Variants in FSTL4 observed in about 807,000 individuals in gnomAD.
FSTL4 encodes follistatin-related protein 4.
A neutral mutation model predicts 78.2 loss-of-function variants in FSTL4; 28 were observed. The ratio of observed to expected loss-of-function variants is 0.36; its 90% CI spans 0.27 to 0.49. The LOEUF is 0.49. FSTL4 is among the 20% of genes least tolerant of loss of function. The pLI, the probability that FSTL4 is intolerant of heterozygous loss-of-function variation, is 0.98. For synonymous variants in FSTL4, 422 were observed against 440.5 expected (o/e 0.96, Z 0.53); for missense variants, 922 against 1,084.9 (o/e 0.85, Z 2.11).
At chr5:133,751,276 G>T in the FSTL4 span, among the ~76,000 whole-genome samples, 4 of 152,208 alleles carry the variant, frequency 2.6e-5, no homozygotes, top group East Asian at 7.7e-4. Context: ...AGTTTGGCAG[G>T]CCTTTCGGGC....
chr5:133,325,821 A>C (rs976066531), intron 4 of FSTL4, among the ~76,000 whole-genome samples: 2 of 152,186 alleles, frequency 1.3e-5, no homozygotes, highest in Admixed American at 1.3e-4. Flanking sequence ...GGGGAGAGAC[A>C]GGACATGCCC....
chr5:133,414,149 T>C (rs1756531876), intron 3 of FSTL4, among the ~76,000 whole-genome samples: 1 of 152,208 alleles, frequency 6.6e-6, no homozygotes, highest in Non-Finnish European at 1.5e-5. Flanking sequence ...CATTCTGGGT[T>C]AAACTAAATT....
chr5:133,728,838 A>G, the FSTL4 span, among the ~76,000 whole-genome samples: 10,098 of 152,092 alleles, frequency 0.066, 456 homozygotes, highest in Non-Finnish European at 0.1. Flanking sequence ...AGGGTGGGGG[A>G]AAAAGAAAAG....
chr5:133,559,940 C>T (rs1759877257), intron 3 of FSTL4, among the ~76,000 whole-genome samples: 1 of 152,176 alleles, frequency 6.6e-6, no homozygotes, highest in Non-Finnish European at 1.5e-5. Context: ...ACCTGGAAGG[C>T]CCTGTATCTG....
chr5:133,775,870 G>A, the FSTL4 span, among the ~76,000 whole-genome samples: 601 of 152,278 alleles, frequency 3.9e-3, no homozygotes, highest in Non-Finnish European at 5.7e-3. Flanking sequence ...AAAGACGATG[G>A]TGAAGGGAAA....
At chr5:133,513,443 A>G (rs867032985) in intron 3 of FSTL4, among the ~76,000 whole-genome samples, 3 of 152,240 alleles carry the variant, frequency 2.0e-5, no homozygotes, top group African/African-American at 7.2e-5. Flanking sequence ...AGACCCCAGC[A>G]GCAGTATACA....
chr5:133,283,001 C>A (rs1293021268), intron 6 of FSTL4, among the ~76,000 whole-genome samples: 2 of 152,158 alleles, frequency 1.3e-5, no homozygotes, highest in African/African-American at 4.8e-5. Flanking sequence ...AGCAGAGGGG[C>A]ATGGAATGTC....
At chr5:133,305,209 C>T (rs993418330) in intron 6 of FSTL4, among the ~76,000 whole-genome samples, 1 of 152,228 alleles carries the variant, frequency 6.6e-6, no homozygotes, top group East Asian at 1.9e-4. Context: ...CAGCGGCTTG[C>T]AGGCTGGCAT....
At chr5:133,520,778 G>A (rs1179899509) in intron 3 of FSTL4, among the ~76,000 whole-genome samples, 1 of 152,118 alleles carries the variant, frequency 6.6e-6, no homozygotes, top group Non-Finnish European at 1.5e-5. Flanking sequence ...ATAGAATGAT[G>A]TAGCATTTGG....
At chr5:133,677,912 C>T in the FSTL4 span, among the ~76,000 whole-genome samples, 1 of 152,292 alleles carries the variant, frequency 6.6e-6, no homozygotes, top group South Asian at 2.1e-4. Flanking sequence ...TCATGGAGCT[C>T]ACATTTTTTA....
the FSTL4 span, among the ~76,000 whole-genome samples, chr5:133,698,505 T>A: frequency 2.0e-5 from 3 of 152,204 alleles, no homozygotes; most frequent in African/African-American, 4.8e-5. Context: ...CTGTCAAACA[T>A]GATGGAGCCG....
intron 4 of FSTL4, among the ~76,000 whole-genome samples, chr5:133,396,702 C>T (rs540260304): frequency 9.9e-5 from 15 of 152,088 alleles, no homozygotes; most frequent in Non-Finnish European, 1.9e-4. Context: ...CTCAGAGTAA[C>T]AACAACAGCA....
chr5:133,822,790 G>T, the FSTL4 span, among the ~76,000 whole-genome samples: 2,150 of 152,196 alleles, frequency 0.014, 59 homozygotes, highest in African/African-American at 0.05. Context: ...CCATGCAAAA[G>T]GAAGCCCAAA....
chr5:133,743,652 C>T, the FSTL4 span, among the ~76,000 whole-genome samples: 3 of 152,188 alleles, frequency 2.0e-5, no homozygotes, highest in African/African-American at 7.2e-5. Flanking sequence ...AAATGGTAGC[C>T]ACTGCTATTT....
At chr5:133,370,072 C>T (rs999114814) in intron 4 of FSTL4, among the ~76,000 whole-genome samples, 1 of 152,174 alleles carries the variant, frequency 6.6e-6, no homozygotes, top group Admixed American at 6.5e-5. Flanking sequence ...GCTTCCTGGC[C>T]ACCCAGCTCT....
chr5:133,403,131 C>T (rs1756275953), intron 3 of FSTL4, among the ~76,000 whole-genome samples: 1 of 152,242 alleles, frequency 6.6e-6, no homozygotes, highest in Non-Finnish European at 1.5e-5. Context: ...AAATATCAGC[C>T]TTTGTTTCTC....
chr5:133,660,500 G>A, the FSTL4 span, among the ~76,000 whole-genome samples: 1 of 152,184 alleles, frequency 6.6e-6, no homozygotes, highest in Non-Finnish European at 1.5e-5. Context: ...TGCATCCTAT[G>A]GGGCTATGGG....
At chr5:133,602,560 G>A (rs756585971) in intron 2 of FSTL4, among the ~76,000 whole-genome samples, 3 of 152,182 alleles carry the variant, frequency 2.0e-5, no homozygotes, top group Non-Finnish European at 4.4e-5. Context: ...TATATGTGTA[G>A]GATTTAAGTG....
At chr5:133,282,540 T>C (rs563379551) in intron 6 of FSTL4, among the ~76,000 whole-genome samples, 3 of 152,214 alleles carry the variant, frequency 2.0e-5, no homozygotes, top group Non-Finnish European at 4.4e-5. Context: ...ATTTCTCCCA[T>C]ACGATTCTTC....
Sources: allele counts gnomAD v4.1 joint callset (sites outside exome capture counted in the v4.1 genomes callset), GRCh38; gene constraint gnomAD v4.1.1; transcripts MANE v1.5; gene names NCBI Gene and HGNC (gene_info 2026-07-23, HGNC 2026-07-21).